The following CRIM1 variants were observed in gnomAD, a reference collection of about 807,000 sequenced individuals.
CRIM1 encodes cysteine rich transmembrane BMP regulator 1.
A neutral mutation model predicts 116.4 loss-of-function variants in CRIM1; 32 were observed. That is an observed-to-expected ratio of 0.27 (90% CI 0.21 to 0.37). The LOEUF is 0.37. CRIM1 is among the 10% of genes least tolerant of loss of function. The pLI, the probability that CRIM1 is intolerant of heterozygous loss-of-function variation, is 1.00. For missense variants in CRIM1, 1,331 were observed against 1,354.8 expected (o/e 0.98, Z 0.28); for synonymous variants, 590 against 509.2 (o/e 1.16, Z -2.13).
At chr2:36,376,189 T>C (rs569190703) in intron 1 of CRIM1, among the ~76,000 whole-genome samples, 4 of 152,352 alleles carry the variant, frequency 2.6e-5, no homozygotes, top group African/African-American at 4.8e-5. Context: ...TCCAGTGTTA[T>C]ATAGTTCCTC....
At chr2:36,545,970 A>C (rs1334337019) in intron 15 of CRIM1, among the ~76,000 whole-genome samples, 1 of 152,106 alleles carries the variant, frequency 6.6e-6, no homozygotes, top group Non-Finnish European at 1.5e-5. Flanking sequence ...ATGATTAGGA[A>C]TGTTTTCTAC....
At chr2:36,521,975 A>G in intron 12 of CRIM1, 117 bp from the exon 13 acceptor site, 2 of 758,672 alleles carry the variant, frequency 2.6e-6, no homozygotes, top group East Asian at 2.5e-5. Context: ...TTACTGCGTC[A>G]TGTATTTAAG....
At chr2:36,413,634 G>A (rs982975578) in intron 2 of CRIM1, among the ~76,000 whole-genome samples, 2 of 152,136 alleles carry the variant, frequency 1.3e-5, no homozygotes, top group Admixed American at 1.3e-4. Context: ...ACCTACACAC[G>A]TGCGTATCAA....
chr2:36,375,668 G>A (rs1238619395), intron 1 of CRIM1, among the ~76,000 whole-genome samples: 1 of 152,186 alleles, frequency 6.6e-6, no homozygotes, highest in Non-Finnish European at 1.5e-5. Flanking sequence ...CTGCTTATTA[G>A]TTGGAAAGAG....
intron 9 of CRIM1, 63 bp downstream of exon 9, chr2:36,510,202 A>G: frequency 2.0e-6 from 3 of 1,490,702 alleles, no homozygotes; most frequent in Non-Finnish European, 1.8e-6. Flanking sequence ...GTTTCTACAC[A>G]TTTTGTTTTA....
intron 5 of CRIM1, among the ~76,000 whole-genome samples, chr2:36,475,669 GA>G (rs1422469507): frequency 6.6e-6 from 1 of 152,188 alleles, no homozygotes; most frequent in Non-Finnish European, 1.5e-5. Flanking sequence ...ATCTTAGGGG[GA>G]AAGCACTTGG....
intron 7 of CRIM1, among the ~76,000 whole-genome samples, chr2:36,492,392 A>G (rs999019258): frequency 3.3e-5 from 5 of 152,174 alleles, no homozygotes; most frequent in African/African-American, 1.2e-4. Context: ...TTTTTCCATG[A>G]CTTAATGAGG....
intron 13 of CRIM1, among the ~76,000 whole-genome samples, chr2:36,527,734 A>G (rs1665850128): frequency 6.6e-6 from 1 of 152,248 alleles, no homozygotes; most frequent in African/African-American, 2.4e-5. Flanking sequence ...AATCAATTAT[A>G]GTAAATATTT....
chr2:36,358,603 C>G (rs559904115), intron 1 of CRIM1, among the ~76,000 whole-genome samples: 1 of 152,176 alleles, frequency 6.6e-6, no homozygotes, highest in Non-Finnish European at 1.5e-5. Context: ...TGTGATCCCT[C>G]ATAGCTTCCT....
chr2:36,512,620 CTAAAT>C (rs1315756798), intron 10 of CRIM1, among the ~76,000 whole-genome samples: 1 of 152,196 alleles, frequency 6.6e-6, no homozygotes, highest in Admixed American at 6.5e-5. Flanking sequence ...AGCACATTGA[CTAAAT>C]TAATCACTTC....
chr2:36,520,351 C>G (rs1257231651), intron 12 of CRIM1, among the ~76,000 whole-genome samples: 4 of 152,196 alleles, frequency 2.6e-5, no homozygotes, highest in East Asian at 1.9e-4. Flanking sequence ...ACGTAAGTCA[C>G]AAAAACCTCA....
chr2:36,366,661 A>G (rs998574480), intron 1 of CRIM1, among the ~76,000 whole-genome samples: 3 of 152,186 alleles, frequency 2.0e-5, no homozygotes, highest in Admixed American at 6.5e-5. Context: ...ACAGAAAGGA[A>G]TTTCTGGCAG....
chr2:36,393,663 A>C (rs1671795044), intron 1 of CRIM1, among the ~76,000 whole-genome samples: 1 of 152,108 alleles, frequency 6.6e-6, no homozygotes, highest in African/African-American at 2.4e-5. Flanking sequence ...GCAGGTAGAG[A>C]AGGCTTCTCA....
In CRIM1 at chr2:36,396,767, C is replaced by T; in HGVS notation, c.485C>T (p.Ser162Leu). 1.2e-6 allele frequency: 2 copies of T among 1,611,988 alleles called. No homozygotes were observed. Among genetic ancestry groups the T allele is most frequent in the Non-Finnish European group, 1.7e-6 (2 of 1,178,320 alleles). ...TTTCCAAGTCAGGATATGTGCCTTT[C>T]AGCTTTAAAGAGAATTGAAGGTAAG... ...FEFPSQDMCL[S>L]ALKRIEEEKP... Residue 162 changes from serine to leucine, a missense_variant, in exon 2 of 17, where the codon TCA becomes TTA. This residue lies in a region of CRIM1 where 690 missense variants were observed against 676.0 expected (regional missense o/e 1.02). Coordinates refer to ENST00000280527, the MANE Select transcript of CRIM1 (RefSeq NM_016441.3).
intron 4 of CRIM1, among the ~76,000 whole-genome samples, chr2:36,451,187 A>G (rs1468036308): frequency 1.3e-5 from 2 of 152,210 alleles, no homozygotes; most frequent in East Asian, 3.9e-4. Context: ...ATAGTGGTGA[A>G]TAAAATGTGG....
intron 8 of CRIM1, among the ~76,000 whole-genome samples, chr2:36,508,309 A>G (rs185086728): frequency 6.6e-6 from 1 of 152,334 alleles, no homozygotes; most frequent in Non-Finnish European, 1.5e-5. Context: ...TTAAATATGC[A>G]AATATTGCCA....
chr2:36,359,247 T>C (rs1669061306), intron 1 of CRIM1, among the ~76,000 whole-genome samples: 1 of 152,232 alleles, frequency 6.6e-6, no homozygotes, highest in Admixed American at 6.5e-5. Context: ...ATGAAAACTC[T>C]TGAAAACTTA....
intron 2 of CRIM1, among the ~76,000 whole-genome samples, chr2:36,428,958 T>A (rs1674664012): frequency 6.6e-6 from 1 of 152,218 alleles, no homozygotes; most frequent in African/African-American, 2.4e-5. Context: ...TCCTGGTCCA[T>A]GAAGTGAGCA....
intron 12 of CRIM1, among the ~76,000 whole-genome samples, chr2:36,520,439 G>A (rs1665307239): frequency 6.6e-6 from 1 of 152,230 alleles, no homozygotes; most frequent in African/African-American, 2.4e-5. Flanking sequence ...GCACTGGTCA[G>A]TCTCTTAGAG....
Sources: allele counts gnomAD v4.1 joint callset (sites outside exome capture counted in the v4.1 genomes callset), GRCh38; gene constraint gnomAD v4.1.1; regional missense constraint gnomAD v4.1.1; transcripts MANE v1.5; gene names NCBI Gene and HGNC (gene_info 2026-07-23, HGNC 2026-07-21).